Variants in TMEM217B observed in about 807,000 individuals in gnomAD.
TMEM217B encodes putative transmembrane protein 217B.
chr6:37,243,685 G>A, the TMEM217B span, among the ~76,000 whole-genome samples: 1 of 152,172 alleles, frequency 6.6e-6, no homozygotes, highest in African/African-American at 2.4e-5. Flanking sequence ...TGCAACCTCC[G>A]CCTCCTGGGT....
At chr6:37,247,376 G>A in the TMEM217B span, among the ~76,000 whole-genome samples, 1 of 137,774 alleles carries the variant, frequency 7.3e-6, no homozygotes, top group Non-Finnish European at 1.5e-5. Flanking sequence ...TCAATAAAGG[G>A]CGAACTTTTT....
At chr6:37,213,167 T>C in the TMEM217B span, among the ~76,000 whole-genome samples, 5 of 152,228 alleles carry the variant, frequency 3.3e-5, no homozygotes, top group African/African-American at 1.2e-4. Flanking sequence ...TGGCCTAACT[T>C]GCTAGATGTG....
the TMEM217B span, among the ~76,000 whole-genome samples, chr6:37,228,735 C>A: frequency 6.6e-6 from 1 of 151,662 alleles, no homozygotes; most frequent in African/African-American, 2.4e-5. Flanking sequence ...CAGTGGCTCA[C>A]GCCTATAATC....
At chr6:37,214,679 AT>A in the TMEM217B span, among the ~76,000 whole-genome samples, 2 of 152,208 alleles carry the variant, frequency 1.3e-5, no homozygotes, top group African/African-American at 4.8e-5. Flanking sequence ...AAGTGGAATC[AT>A]ACATTTGTCC....
chr6:37,243,773 C>T, the TMEM217B span, among the ~76,000 whole-genome samples: 15 of 152,024 alleles, frequency 9.9e-5, no homozygotes, highest in African/African-American at 2.4e-5. Flanking sequence ...TAGGGTTTTT[C>T]GAGGATAGTT....
At chr6:37,242,412 T>C in the TMEM217B span, among the ~76,000 whole-genome samples, 3 of 152,352 alleles carry the variant, frequency 2.0e-5, no homozygotes, top group South Asian at 6.2e-4. Context: ...CTCATCCATA[T>C]CATCTAGATC....
At chr6:37,217,935 A>G in the TMEM217B span, 3 of 986,280 alleles carry the variant, frequency 3.0e-6, no homozygotes, top group African/African-American at 1.7e-5. Context: ...ATAAATCACA[A>G]TATCCTTTAA....
chr6:37,242,008 A>AT, the TMEM217B span, among the ~76,000 whole-genome samples: 11,363 of 129,996 alleles, frequency 0.087, 601 homozygotes, highest in Non-Finnish European at 0.13. Flanking sequence ...TTCGATCTCA[A>AT]TTTTTTTTTT....
the TMEM217B span, among the ~76,000 whole-genome samples, chr6:37,223,429 G>C: frequency 6.6e-6 from 1 of 152,160 alleles, no homozygotes; most frequent in Non-Finnish European, 1.5e-5. Context: ...AAATCCCATG[G>C]AATAATATTT....
the TMEM217B span, chr6:37,215,233 G>A: frequency 6.2e-7 from 1 of 1,613,936 alleles, no homozygotes; most frequent in Middle Eastern, 1.7e-4. Flanking sequence ...CAGGTGCTGG[G>A]GGCTGAGCTT....
chr6:37,240,428 G>T, the TMEM217B span, among the ~76,000 whole-genome samples: 2 of 152,140 alleles, frequency 1.3e-5, no homozygotes, highest in Non-Finnish European at 2.9e-5. Flanking sequence ...TCACCTCCTG[G>T]GCCTTTCTAT....
At chr6:37,217,305 A>T in the TMEM217B span, among the ~76,000 whole-genome samples, 1 of 152,246 alleles carries the variant, frequency 6.6e-6, no homozygotes, top group Non-Finnish European at 1.5e-5. Context: ...AAAATAAAAA[A>T]TGTGCTTCAT....
At chr6:37,218,551 G>T in the TMEM217B span, 9 of 1,614,112 alleles carry the variant, frequency 5.6e-6, no homozygotes, top group South Asian at 1.1e-5. Context: ...AAATTATATT[G>T]CCCTGGCTCC....
the TMEM217B span, among the ~76,000 whole-genome samples, chr6:37,227,441 T>C: frequency 5.9e-5 from 9 of 152,162 alleles, no homozygotes; most frequent in Admixed American, 2.0e-4. Flanking sequence ...AAGCGAAGGT[T>C]TTTTTTGTTT....
chr6:37,215,300 CAA>C, the TMEM217B span: 1 of 1,607,862 alleles, frequency 6.2e-7, no homozygotes, highest in Non-Finnish European at 8.5e-7. Context: ...AATAAAAAAA[CAA>C]ATGAATAAAA....
the TMEM217B span, among the ~76,000 whole-genome samples, chr6:37,222,593 G>A: frequency 6.6e-6 from 1 of 152,224 alleles, no homozygotes; most frequent in African/African-American, 2.4e-5. Context: ...GTCTGCAGCC[G>A]TGGGTCCTGG....
the TMEM217B span, among the ~76,000 whole-genome samples, chr6:37,225,684 A>C: frequency 6.6e-6 from 1 of 152,220 alleles, no homozygotes; most frequent in African/African-American, 2.4e-5. Flanking sequence ...AAAGACTGAT[A>C]ATTGTCTCCC....
the TMEM217B span, among the ~76,000 whole-genome samples, chr6:37,216,786 C>T: frequency 1.3e-5 from 2 of 152,136 alleles, no homozygotes; most frequent in African/African-American, 4.8e-5. Flanking sequence ...GCAGAGCCCT[C>T]ATGAATGGAA....
At chr6:37,242,096 G>A in the TMEM217B span, among the ~76,000 whole-genome samples, 1 of 148,954 alleles carries the variant, frequency 6.7e-6, no homozygotes, top group Non-Finnish European at 1.5e-5. Flanking sequence ...CTTGGAATCT[G>A]AGGGAAGAGT....
Sources: gnomAD v4.1 joint callset for allele counts (sites outside exome capture counted in the v4.1 genomes callset) on GRCh38, gnomAD v4.1.1 for gene constraint, MANE v1.5 for transcripts, NCBI Gene and HGNC (gene_info 2026-07-23, HGNC 2026-07-21) for gene names.